The following DOCK1 variants were observed in gnomAD, a reference collection of about 807,000 sequenced individuals.
DOCK1 encodes dedicator of cytokinesis 1, also known as dedicator of cytokinesis protein 1.
In DOCK1, 138 loss-of-function variants were observed where a neutral mutation model predicts 262.7. The observed-to-expected ratio is 0.53, with a 90% CI of 0.46 to 0.61. DOCK1 has a LOEUF of 0.61. DOCK1 is among the 20% of genes least tolerant of loss of function. The pLI, the probability that DOCK1 is intolerant of heterozygous loss-of-function variation, is 0.00. For missense variants in DOCK1, 1,908 were observed against 2,370.7 expected, an observed-to-expected ratio of 0.80 and a Z score of 4.05; for synonymous variants, 866 against 867.4, an observed-to-expected ratio of 1.00 and a Z score of 0.03.
chr10:127,234,976 AT>A (rs2058993608), intron 27 of DOCK1, among the ~76,000 whole-genome samples: 1 of 139,108 alleles, frequency 7.2e-6, no homozygotes. Flanking sequence ...TAAATAATAT[AT>A]GTACATTTTA....
intron 22 of DOCK1, among the ~76,000 whole-genome samples, chr10:127,054,144 G>A (rs1310234665): frequency 6.6e-6 from 1 of 152,192 alleles, no homozygotes; most frequent in Non-Finnish European, 1.5e-5. Context: ...TTTGTCTGAA[G>A]CAGTCGTGTC....
intron 1 of DOCK1, among the ~76,000 whole-genome samples, chr10:126,963,569 C>G (rs935173063): frequency 6.9e-6 from 1 of 145,308 alleles, no homozygotes; most frequent in Admixed American, 7.0e-5. Context: ...TCCCTCCTCT[C>G]CCTCTCCTTC....
intron 33 of DOCK1, among the ~76,000 whole-genome samples, chr10:127,362,990 CCCCCACACACACACGCACA>C (rs2064654176): frequency 1.6e-5 from 1 of 62,054 alleles, no homozygotes; most frequent in Non-Finnish European, 3.9e-5. Flanking sequence ...TACACATCCC[CCCCCACACACACACGCACA>C]TCCCCACACA....
rs534670830 is a variant in DOCK1 at position 126,994,920 on chromosome 10, C to T, written c.474-1828C>T. Among the ~76,000 whole-genome samples, 431 of 151,532 alleles carry T rather than the reference C, an allele frequency of 2.8e-3. 4 individuals carry two copies. The highest frequency in any genetic ancestry group is 4.2e-3 in the Non-Finnish European group (283 of 67,820). On this transcript the variant is annotated intron_variant, in intron 6 of 51. Coordinates refer to ENST00000623213, the MANE Select transcript of DOCK1 (RefSeq NM_001290223.2). ...CCGGGCAGAGGCGCCCCCCACCTCCCGAACGGGGTGGCTGCCGGGTGGAGG... is the reference window on the plus strand; with the variant it reads ...CCGGGCAGAGGCGCCCCCCACCTCCTGAACGGGGTGGCTGCCGGGTGGAGG...
intron 44 of DOCK1, among the ~76,000 whole-genome samples, chr10:127,417,441 G>C (rs1565075675): frequency 6.6e-6 from 1 of 151,528 alleles, no homozygotes; most frequent in African/African-American, 2.4e-5. Flanking sequence ...GGAGCCAGGA[G>C]GACAGTGGTC....
chr10:127,004,125 G>T (rs1400488251), intron 10 of DOCK1, among the ~76,000 whole-genome samples: 1 of 151,454 alleles, frequency 6.6e-6, no homozygotes, highest in Non-Finnish European at 1.5e-5. Flanking sequence ...GTGGTGCTGT[G>T]TGCCTGTAAT....
chr10:126,965,697 TG>T (rs2037621010), intron 1 of DOCK1, among the ~76,000 whole-genome samples: 1 of 152,176 alleles, frequency 6.6e-6, no homozygotes, highest in Non-Finnish European at 1.5e-5. Context: ...GTAGTCAAGT[TG>T]TTTTTTTTGC....
Position 127,242,507 on chromosome 10 carries a change from T to C in DOCK1, c.2848-5501T>C, listed in dbSNP as rs1468782225. ...CATACTTGGATTTATTTCAAATCAT[T>C]TTAAAGAAGGACTTGACTCTCAGTT... On this transcript the variant is annotated intron_variant, in intron 27 of 51. Transcript: ENST00000623213. 2.6e-5 allele frequency among the ~76,000 whole-genome samples: 4 copies of C among 152,342 alleles called. No individual in the cohort carries two copies. The East Asian group carries it at 5.8e-4, about 22-fold the overall frequency.
At chr10:127,079,842 A>C (rs2046798038) in intron 23 of DOCK1, among the ~76,000 whole-genome samples, 1 of 152,060 alleles carries the variant, frequency 6.6e-6, no homozygotes, top group Admixed American at 6.5e-5. Flanking sequence ...GAGGCAGGAG[A>C]ATTGCTTGAA....
chr10:127,036,981 G>GAAAAAAAAAAAAAAAAAAA (rs11429952), intron 18 of DOCK1, among the ~76,000 whole-genome samples: 1 of 128,036 alleles, frequency 7.8e-6, no homozygotes. Context: ...CCATCTCAAG[G>GAAAAAAAAAAAAAAAAAAA]AAAAAAAAAA....
At chr10:127,412,341 A>G (rs12358697) in intron 43 of DOCK1, among the ~76,000 whole-genome samples, 7,095 of 152,232 alleles carry the variant, frequency 0.047, 175 homozygotes, top group Non-Finnish European at 0.068. Flanking sequence ...TTTTTTATAT[A>G]GAGGTGGGGT....
chr10:127,037,870 TGTA>T, intron 19 of DOCK1, 54 bp downstream of exon 19: 2 of 1,278,642 alleles, frequency 1.6e-6, no homozygotes, highest in Non-Finnish European at 1.1e-6. Flanking sequence ...TTTTTTTTAA[TGTA>T]TGTTAACAGA....
At chr10:127,324,230 C>T (rs552808978) in intron 29 of DOCK1, among the ~76,000 whole-genome samples, 15 of 152,330 alleles carry the variant, frequency 9.8e-5, no homozygotes, top group South Asian at 4.1e-4. Flanking sequence ...AAAGATCACC[C>T]GTCTCAAATT....
chr10:127,438,708 T>A (rs2069863371), intron 48 of DOCK1, among the ~76,000 whole-genome samples: 1 of 152,118 alleles, frequency 6.6e-6, no homozygotes, highest in South Asian at 2.1e-4. Context: ...AAGACGAGGG[T>A]TCCCCTTTTG....
At chr10:127,208,099 A>G (rs112336330) in intron 27 of DOCK1, among the ~76,000 whole-genome samples, 82 of 152,362 alleles carry the variant, frequency 5.4e-4, no homozygotes, top group African/African-American at 1.6e-3. Context: ...TGAAGGGGCC[A>G]TTCATCTGTT....
chr10:127,143,603 C>T (rs776064789), intron 27 of DOCK1, among the ~76,000 whole-genome samples: 3 of 152,160 alleles, frequency 2.0e-5, no homozygotes, highest in Non-Finnish European at 4.4e-5. Context: ...AGCCATGTCC[C>T]CAAAGCACAA....
At chr10:127,110,376 A>T in intron 25 of DOCK1, 22 bp downstream of exon 25, 3 of 1,587,926 alleles carry the variant, frequency 1.9e-6, no homozygotes, top group Non-Finnish European at 2.6e-6. Context: ...CCCAAGAATT[A>T]TTCACTTGTC....
intron 48 of DOCK1, among the ~76,000 whole-genome samples, chr10:127,433,866 T>TTGTTAG (rs1301712222): frequency 1.3e-5 from 2 of 151,980 alleles, no homozygotes; most frequent in Non-Finnish European, 2.9e-5. Context: ...TCATCAGCTA[T>TTGTTAG]TGTTAGTGTT....
chr10:127,334,317 C>T (rs944318427), intron 29 of DOCK1, among the ~76,000 whole-genome samples: 1 of 152,132 alleles, frequency 6.6e-6, no homozygotes, highest in African/African-American at 2.4e-5. Flanking sequence ...CAATTAAACT[C>T]ATATTTGACA....
Sources: allele counts gnomAD v4.1 joint callset (sites outside exome capture counted in the v4.1 genomes callset), GRCh38; gene constraint gnomAD v4.1.1; transcripts MANE v1.5; gene names NCBI Gene and HGNC (gene_info 2026-07-23, HGNC 2026-07-21).